Variants in RANBP2 observed in about 807,000 individuals in gnomAD.
RANBP2 encodes RAN binding protein 2.
A neutral mutation model predicts 303.6 loss-of-function variants in RANBP2; 57 were observed. The ratio of observed to expected loss-of-function variants is 0.19; its 90% CI spans 0.15 to 0.23. The LOEUF (loss-of-function observed/expected upper bound fraction) is 0.23, where lower values mean the gene tolerates loss of function less well. RANBP2 is among the 10% of genes least tolerant of loss of function. The probability of loss-of-function intolerance (pLI) is 1.00; values close to 1 mark genes in which losing one functional copy is unlikely to be tolerated. For synonymous variants in RANBP2, 1,167 were observed against 1,301.5 expected (o/e 0.90, Z 2.23); for missense variants, 3,138 against 3,780.8 (o/e 0.83, Z 4.46).
the RANBP2 span, among the ~76,000 whole-genome samples, chr2:109,056,116 G>A: frequency 6.6e-6 from 1 of 152,010 alleles, no homozygotes; most frequent in Admixed American, 6.6e-5. Flanking sequence ...TTACTCAATG[G>A]TGGCACCTTA....
At chr2:108,854,451 A>G in the RANBP2 span, among the ~76,000 whole-genome samples, 2 of 152,158 alleles carry the variant, frequency 1.3e-5, no homozygotes, top group Non-Finnish European at 2.9e-5. Flanking sequence ...GAATTGATGT[A>G]AAGTTTTAGC....
chr2:109,665,173 T>C, the RANBP2 span: 147,244 of 152,406 alleles, frequency 0.97, 71,312 homozygotes, highest in Non-Finnish European at 0.99. Context: ...TTTCTTTGCT[T>C]GTGCGTGATG....
At chr2:108,831,712 C>CCTTCCTTCCTTCCTTCCTTCCTTCCTT in the RANBP2 span, among the ~76,000 whole-genome samples, 1 of 151,234 alleles carries the variant, frequency 6.6e-6, no homozygotes, top group African/African-American at 2.4e-5. Context: ...TTCCTTCCTT[C>CCTTCCTTCCTTCCTTCCTTCCTTCCTT]CTTCCTTCCT....
intron 4 of RANBP2, among the ~76,000 whole-genome samples, chr2:108,733,360 G>A (rs1283156053): frequency 7.0e-6 from 1 of 142,764 alleles, no homozygotes; most frequent in East Asian, 2.0e-4. Flanking sequence ...CTGCCTCCCG[G>A]GTTCTCAGGT....
At chr2:108,844,138 A>C in the RANBP2 span, among the ~76,000 whole-genome samples, 1 of 151,208 alleles carries the variant, frequency 6.6e-6, no homozygotes, top group Non-Finnish European at 1.5e-5. Context: ...CGGGAGTGCA[A>C]CCGTGAGCCA....
chr2:109,449,181 G>A, the RANBP2 span: 6 of 1,613,512 alleles, frequency 3.7e-6, no homozygotes, highest in Non-Finnish European at 3.4e-6. Flanking sequence ...TGCCCACTCT[G>A]CAGCCCAGGC....
At chr2:109,114,548 G>C in the RANBP2 span, among the ~76,000 whole-genome samples, 11 of 151,478 alleles carry the variant, frequency 7.3e-5, no homozygotes, top group Non-Finnish European at 1.5e-4. Context: ...TCTTGCTAGC[G>C]GTCTATCAAT....
At chr2:109,270,085 G>A in the RANBP2 span, among the ~76,000 whole-genome samples, 1 of 152,220 alleles carries the variant, frequency 6.6e-6, no homozygotes, top group African/African-American at 2.4e-5. Flanking sequence ...CTGCCGTGGG[G>A]CAGGGGCACC....
At chr2:109,156,310 C>T in the RANBP2 span, among the ~76,000 whole-genome samples, 3 of 152,356 alleles carry the variant, frequency 2.0e-5, no homozygotes, top group South Asian at 4.1e-4. Flanking sequence ...TTCTCCGCCC[C>T]TCGCATCTTC....
At chr2:109,334,899 T>G in the RANBP2 span, among the ~76,000 whole-genome samples, 11 of 152,234 alleles carry the variant, frequency 7.2e-5, no homozygotes, top group Non-Finnish European at 8.8e-5. Context: ...TTGAGAAGCC[T>G]TCTTTTTGCT....
chr2:109,097,739 GTGT>G, the RANBP2 span, among the ~76,000 whole-genome samples: 47 of 2,234 alleles, frequency 0.021, 1 homozygote, highest in Admixed American at 0.19. Flanking sequence ...TGCTTAGGGT[GTGT>G]GTGTGTGTGT....
chr2:109,721,247 T>A, the RANBP2 span, among the ~76,000 whole-genome samples: 1 of 152,214 alleles, frequency 6.6e-6, no homozygotes, highest in Non-Finnish European at 1.5e-5. Flanking sequence ...GCGGCTTTCT[T>A]CCTTTGCACC....
the RANBP2 span, among the ~76,000 whole-genome samples, chr2:109,609,669 C>T: frequency 1.4e-5 from 2 of 146,236 alleles, no homozygotes; most frequent in African/African-American, 5.0e-5. Context: ...AACTTCAAGA[C>T]AGAAAGTAAA....
the RANBP2 span, among the ~76,000 whole-genome samples, chr2:108,802,957 G>T: frequency 2.0e-5 from 3 of 152,152 alleles, no homozygotes; most frequent in African/African-American, 7.2e-5. Context: ...TATTGAACCA[G>T]CCTTGCATCC....
chr2:108,892,337 G>A, the RANBP2 span, among the ~76,000 whole-genome samples: 1 of 152,150 alleles, frequency 6.6e-6, no homozygotes, highest in Non-Finnish European at 1.5e-5. Flanking sequence ...CACCCTTTCA[G>A]CATCCTAATT....
intron 27 of RANBP2, 59 bp downstream of exon 27, chr2:108,782,460 CAAACA>C: frequency 6.2e-7 from 1 of 1,613,388 alleles, no homozygotes; most frequent in East Asian, 2.2e-5. Flanking sequence ...AAATCTATAA[CAAACA>C]AAACAACTTA....
At chr2:109,189,358 G>A in the RANBP2 span, among the ~76,000 whole-genome samples, 121,658 of 150,354 alleles carry the variant, frequency 0.81, 49,355 homozygotes, top group South Asian at 0.86. Flanking sequence ...TACGTGTTCA[G>A]TCGTTTGACT....
chr2:108,952,545 C>A, the RANBP2 span, among the ~76,000 whole-genome samples: 1 of 152,198 alleles, frequency 6.6e-6, no homozygotes, highest in Non-Finnish European at 1.5e-5. Context: ...ATACTTTTCA[C>A]TTCTAGGATT....
the RANBP2 span, among the ~76,000 whole-genome samples, chr2:109,280,846 C>T: frequency 6.6e-6 from 1 of 152,190 alleles, no homozygotes; most frequent in Non-Finnish European, 1.5e-5. Context: ...GTTTTATGTC[C>T]GTTGCACATT....
Sources: gnomAD v4.1 joint callset for allele counts (sites outside exome capture counted in the v4.1 genomes callset) on GRCh38, gnomAD v4.1.1 for gene constraint, MANE v1.5 for transcripts, NCBI Gene and HGNC (gene_info 2026-07-23, HGNC 2026-07-21) for gene names.